The following SV2C variants were observed in gnomAD, a reference collection of about 807,000 sequenced individuals.
SV2C encodes solute carrier family 22 member B3.
A neutral mutation model predicts 79.7 loss-of-function variants in SV2C; 49 were observed. The ratio of observed to expected loss-of-function variants is 0.61; its 90% CI spans 0.49 to 0.78. SV2C has a LOEUF of 0.78. SV2C is among the 30% of genes least tolerant of loss of function. SV2C has a pLI of 0.00. For synonymous variants in SV2C, 334 were observed against 333.2 expected, an observed-to-expected ratio of 1.00 and a Z score of -0.03; for missense variants, 833 against 912.9, an observed-to-expected ratio of 0.91 and a Z score of 1.13.
chr5:75,961,302 A>G, the SV2C span, among the ~76,000 whole-genome samples: 3 of 152,040 alleles, frequency 2.0e-5, no homozygotes, highest in Non-Finnish European at 4.4e-5. Context: ...CACATAATTC[A>G]TAAATTATTG....
At chr5:76,296,508 C>A (rs1386287158) in intron 9 of SV2C, among the ~76,000 whole-genome samples, 4 of 152,138 alleles carry the variant, frequency 2.6e-5, no homozygotes, top group Admixed American at 6.6e-5. Flanking sequence ...TGAAATACTT[C>A]TTGATGACAA....
At chr5:75,970,371 C>T in the SV2C span, among the ~76,000 whole-genome samples, 717 of 152,096 alleles carry the variant, frequency 4.7e-3, 3 homozygotes, top group African/African-American at 0.016. Flanking sequence ...TTCAAAAAAT[C>T]AATGAATCCA....
intron 1 of SV2C, chr5:76,091,611 C>T (rs971896802): frequency 6.6e-6 from 1 of 152,100 alleles, no homozygotes; most frequent in African/African-American, 2.4e-5. Flanking sequence ...CAATCAGTTC[C>T]CCTCTCTAAT....
At chr5:76,079,892 A>T (rs1264137422), upstream of SV2C, 6 of 152,774 alleles carry the variant, frequency 3.9e-5, no homozygotes, top group Non-Finnish European at 8.8e-5. Flanking sequence ...TTTAATTATT[A>T]TTTTTAATTT....
intron 4 of SV2C, among the ~76,000 whole-genome samples, chr5:76,277,496 G>A (rs997595598): frequency 1.3e-5 from 2 of 152,204 alleles, no homozygotes; most frequent in Admixed American, 6.5e-5. Context: ...GACCAAGGCT[G>A]GGCACAATGG....
At chr5:76,274,358 C>T (rs1328822775) in intron 4 of SV2C, among the ~76,000 whole-genome samples, 1 of 152,162 alleles carries the variant, frequency 6.6e-6, no homozygotes, top group Non-Finnish European at 1.5e-5. Flanking sequence ...TCATGAGCTT[C>T]TCCTCCCTAC....
chr5:75,968,323 G>A, the SV2C span, among the ~76,000 whole-genome samples: 11 of 152,198 alleles, frequency 7.2e-5, no homozygotes, highest in African/African-American at 2.2e-4. Flanking sequence ...AAAGCTGGAC[G>A]GAGAATGACT....
At chr5:75,998,164 G>T in the SV2C span, among the ~76,000 whole-genome samples, 1 of 152,066 alleles carries the variant, frequency 6.6e-6, no homozygotes, top group Non-Finnish European at 1.5e-5. Context: ...ACACAGGAAG[G>T]GGAACATCAC....
Position 76,292,940 on chromosome 5 carries a change from C to G in SV2C, c.1337+1084C>G, listed in dbSNP as rs536817632. 3.3e-5 allele frequency among the ~76,000 whole-genome samples: 5 copies of G among 152,268 alleles called. No homozygotes were observed. The South Asian group carries it at 1.0e-3, about 32-fold the overall frequency. On this transcript the variant is annotated intron_variant, in intron 8 of 12. Transcript: ENST00000502798. ...AGCAGGAACTCAGTACCTTATAGAA[C>G]CTAACATTTATGTTGCAAGTTTCAT...
intron 2 of SV2C, among the ~76,000 whole-genome samples, chr5:76,145,587 C>A (rs1269708951): frequency 6.6e-6 from 1 of 152,202 alleles, no homozygotes; most frequent in East Asian, 1.9e-4. Flanking sequence ...GCTGACGCCA[C>A]ATGATGCAAA....
intron 4 of SV2C, among the ~76,000 whole-genome samples, chr5:76,210,371 C>T (rs1462426031): frequency 1.3e-5 from 2 of 152,148 alleles, no homozygotes; most frequent in African/African-American, 2.4e-5. Context: ...CCTATACCCC[C>T]CACCCTCAGG....
Position 76,328,009 on chromosome 5 carries a change from A to C in SV2C, c.*2462A>C, listed in dbSNP as rs985335288. ...CATCTCCTGGACAGTCTGTGGTCAC[A>C]AACCTTCTTGGTCACCACCTCTCCC... is the stretch of plus-strand genomic sequence containing the variant. On this transcript the variant is annotated 3_prime_UTR_variant, in exon 13 of 13. Transcript: ENST00000502798. The C allele has an allele frequency of 6.6e-6, 1 of 152,230 alleles. No homozygotes were observed. The highest frequency in any genetic ancestry group is 1.5e-5 in the Non-Finnish European group (1 of 68,074). The allele number at this position is 152,230 out of a possible 1,614,324, so 9.4% of individuals were successfully genotyped here.
At chr5:76,245,930 G>GTGTA (rs1554042674) in intron 4 of SV2C, among the ~76,000 whole-genome samples, 2,732 of 142,520 alleles carry the variant, frequency 0.019, 55 homozygotes, top group African/African-American at 0.059. Flanking sequence ...GTGTGTGTGT[G>GTGTA]TGTGTATGTG....
the SV2C span, among the ~76,000 whole-genome samples, chr5:76,001,397 G>A: frequency 6.6e-6 from 1 of 152,138 alleles, no homozygotes; most frequent in Admixed American, 6.5e-5. Flanking sequence ...TCAGGAGATT[G>A]AGACCATCCT....
At chr5:76,035,579 C>T in the SV2C span, among the ~76,000 whole-genome samples, 1 of 150,594 alleles carries the variant, frequency 6.6e-6, no homozygotes, top group Non-Finnish European at 1.5e-5. Context: ...ATTCTTAATC[C>T]TGAGTTCTAG....
chr5:76,150,759 T>C (rs1749580812), intron 2 of SV2C, among the ~76,000 whole-genome samples: 1 of 143,802 alleles, frequency 7.0e-6, no homozygotes, highest in Non-Finnish European at 1.5e-5. Context: ...CACCTCAGCC[T>C]CCTGAGTAGC....
the SV2C span, among the ~76,000 whole-genome samples, chr5:76,011,953 G>T: frequency 6.6e-6 from 1 of 152,016 alleles, no homozygotes; most frequent in African/African-American, 2.4e-5. Flanking sequence ...TTTTTTTTAT[G>T]GCTGCATTGT....
intron 2 of SV2C, among the ~76,000 whole-genome samples, chr5:76,182,959 C>CAG (rs58651320): frequency 7.1e-6 from 1 of 141,314 alleles, no homozygotes; most frequent in African/African-American, 2.7e-5. Flanking sequence ...GAGAGAGAGA[C>CAG]AGAGAGAGAG....
At chr5:75,992,004 C>A in the SV2C span, among the ~76,000 whole-genome samples, 1 of 151,718 alleles carries the variant, frequency 6.6e-6, no homozygotes, top group Non-Finnish European at 1.5e-5. Flanking sequence ...TTTTTCCAGG[C>A]AAATTTTAGA....
Sources: allele counts gnomAD v4.1 joint callset (sites outside exome capture counted in the v4.1 genomes callset), GRCh38; gene constraint gnomAD v4.1.1; transcripts MANE v1.5; gene names NCBI Gene and HGNC (gene_info 2026-07-23, HGNC 2026-07-21).